The following FAM149A variants were observed in gnomAD, a reference collection of about 807,000 sequenced individuals.
FAM149A encodes the protein family with sequence similarity 149 member A.
A neutral mutation model predicts 78.2 loss-of-function variants in FAM149A; 71 were observed. The ratio of observed to expected loss-of-function variants is 0.91; its 90% CI spans 0.75 to 1.11. The LOEUF (loss-of-function observed/expected upper bound fraction) is 1.11. Among genes scored for constraint, FAM149A ranks in the 50% least tolerant of loss-of-function variants. The probability of loss-of-function intolerance (pLI) is 0.00; values close to 1 mark genes in which losing one functional copy is unlikely to be tolerated. For synonymous variants in FAM149A, 446 were observed against 410.5 expected (o/e 1.09, Z -1.04); for missense variants, 1,036 against 971.0 (o/e 1.07, Z -0.89).
At chr4:186,130,287 C>CTT (rs1324375458) in intron 1 of FAM149A, 1 of 38,228 alleles carries the variant, frequency 2.6e-5, no homozygotes, top group African/African-American at 1.5e-4. Context: ...CTCTCTCTCT[C>CTT]TCTCTCTATA....
Position 186,173,397 on chromosome 4 carries a change from G to A in FAM149A, c.*1410G>A, listed in dbSNP as rs1055665149. 9.1e-6 allele frequency among the ~76,000 whole-genome samples: 1 copy of A among 110,190 alleles called. No homozygotes were observed. The highest frequency in any genetic ancestry group is 2.9e-4 in the South Asian group (1 of 3,484). The allele number at this position is 110,190 out of a possible 152,430, so 72.3% of individuals were successfully genotyped here. On this transcript the variant is annotated 3_prime_UTR_variant, in exon 14 of 14. Transcript: ENST00000389354. ...AAACGGAGTCTGGCTCTGTGGCCCC[G>A]GCTGGAGTGCAGTGGCACGATCTCG...
At chr4:186,148,999 GGTGTGTGTGTGT>G (rs70964919) in intron 1 of FAM149A, among the ~76,000 whole-genome samples, 162 bp from the exon 2 acceptor site, 1 of 147,980 alleles carries the variant, frequency 6.8e-6, no homozygotes, top group African/African-American at 2.5e-5. Context: ...ATCAGGATGG[GGTGTGTGTGTGT>G]GTGTGTGTGT....
At chr4:186,156,219 A>C (rs1734023648) in intron 7 of FAM149A, 29 bp downstream of exon 7, 1 of 1,586,082 alleles carries the variant, frequency 6.3e-7, no homozygotes, top group Non-Finnish European at 8.6e-7. Flanking sequence ...TAGCTTAATG[A>C]AAAGAAAAAG....
intron 3 of FAM149A, chr4:186,150,793 C>T (rs1733506853): frequency 6.6e-6 from 1 of 151,688 alleles, no homozygotes; most frequent in African/African-American, 2.4e-5. Context: ...GCCATGTCGG[C>T]TCACTGCAAC....
At chr4:186,158,747 C>T in intron 8 of FAM149A, 1 of 1,071,620 alleles carries the variant, frequency 9.3e-7, no homozygotes, top group Non-Finnish European at 1.1e-6. Context: ...TCAGCCGTCC[C>T]TACTGCAGAC....
At chr4:186,122,877 A>G in intron 1 of FAM149A, 1 of 339,264 alleles carries the variant, frequency 2.9e-6, no homozygotes, top group Non-Finnish European at 4.2e-6. Context: ...ACATTTGTGA[A>G]CCCTAATGTT....
At chr4:186,153,265 G>A (rs545578697) in intron 4 of FAM149A, 1 of 978,324 alleles carries the variant, frequency 1.0e-6, no homozygotes, top group African/African-American at 1.7e-5. Flanking sequence ...TTCTTGTTAT[G>A]TTTGTGTTTA....
rs149612033 is a variant in FAM149A at position 186,144,358 on chromosome 4, T to A, written c.567-4815T>A. 6.6e-6 allele frequency: 1 copy of A among 152,066 alleles called. No homozygotes were observed. The allele number at this position is 152,066 out of a possible 1,614,324, so 9.4% of individuals were successfully genotyped here. A position where few individuals can be genotyped will look rare whatever the true frequency, so the allele number is the denominator to read the frequency against. On this transcript the variant is annotated intron_variant, in intron 1 of 13. Transcript: ENST00000389354. The surrounding 1 kb of genome is among the most constrained non-coding windows in gnomAD (Gnocchi z 4.2). ...GTAGGGCAGGACGGGCGTGGAAGGG[T>A]CCACGTCTTTAGTATGCATGCTTAG...
intron 1 of FAM149A, chr4:186,125,338 A>T: frequency 1.0e-6 from 1 of 985,304 alleles, no homozygotes; most frequent in Non-Finnish European, 1.2e-6. Context: ...CAGAGCCAGG[A>T]TGCCTGCTAC....
At position 186,150,133 on chromosome 4, in the gene FAM149A, G is replaced by C. The variant is rs1579876227; in HGVS notation, c.789+429G>C. On this transcript the variant is annotated intron_variant, in intron 3 of 13. Coordinates refer to ENST00000389354, the MANE Select transcript of FAM149A (RefSeq NM_001367768.3). Reference sequence around the variant, plus strand: ...TTTCACCTTCACCCCCTACCGCTGGGGGCGCTGTTGCCTCTGAACTGCTTT... The same window carrying C: ...TTTCACCTTCACCCCCTACCGCTGGCGGCGCTGTTGCCTCTGAACTGCTTT... Among the ~76,000 whole-genome samples, 3 of 129,536 alleles carry C rather than the reference G, an allele frequency of 2.3e-5. No homozygotes were observed. The Middle Eastern group carries it at 0.011, about 483-fold the overall frequency. The allele number at this position is 129,536 out of a possible 152,430, so 85.0% of individuals were successfully genotyped here. A position where few individuals can be genotyped will look rare whatever the true frequency, so the allele number is the denominator to read the frequency against.
At position 186,144,873 on chromosome 4, in the gene FAM149A, G is replaced by C; in HGVS notation, c.567-4300G>C. The C allele has an allele frequency of 1.0e-6, 1 of 977,986 alleles. No homozygotes were observed. Among genetic ancestry groups the C allele is most frequent in the African/African-American group, 1.8e-5 (1 of 54,640 alleles). The allele number at this position is 977,986 out of a possible 1,614,324, so 60.6% of individuals were successfully genotyped here. A position where few individuals can be genotyped will look rare whatever the true frequency, so the allele number is the denominator to read the frequency against. On this transcript the variant is annotated intron_variant, in intron 1 of 13. Transcript: ENST00000389354. The surrounding 1 kb of genome is among the most constrained non-coding windows in gnomAD (Gnocchi z 4.2). ...ATCTGGAGAGGGAAGGGGCGTGCGA[G>C]CCCCGCGGACCCCGGGCGCGCCCGG... is the stretch of plus-strand genomic sequence containing the variant.
chr4:186,144,733 G>GCCGGGGC lies in FAM149A; in HGVS notation c.567-4438_567-4432dup. The GCCGGGGC allele has an allele frequency of 2.3e-6, 2 of 851,630 alleles. No homozygotes were observed. Among genetic ancestry groups the GCCGGGGC allele is most frequent in the Non-Finnish European group, 2.8e-6 (2 of 707,212 alleles). 52.8% of individuals were successfully genotyped at this position (851,630 alleles called of 1,614,324 possible). On this transcript the variant is annotated intron_variant, in intron 1 of 13. Coordinates refer to ENST00000389354, the MANE Select transcript of FAM149A (RefSeq NM_001367768.3). The surrounding 1 kb of genome is among the most constrained non-coding windows in gnomAD (Gnocchi z 4.2). ...TCCCGGAGGTCGGCGCGGGGCCGGG[G>GCCGGGGC]CCGGGGCCGGGGCCCGGAGCGGGGA...
chr4:186,150,824 C>T (rs1733510334), intron 3 of FAM149A: 1 of 152,370 alleles, frequency 6.6e-6, no homozygotes. Flanking sequence ...CAGGTTCAAG[C>T]AATACTCCTG....
Position 186,125,719 on chromosome 4 carries a change from A to G in FAM149A, c.566+20077A>G, listed in dbSNP as rs116810882. On this transcript the variant is annotated intron_variant, in intron 1 of 13. Coordinates refer to ENST00000389354, the MANE Select transcript of FAM149A (RefSeq NM_001367768.3). ...ATGTTGGGGAATTAACACTACTATT[A>G]TTGTGAATAGCTGAAGCTGAAGGAT... is the stretch of plus-strand genomic sequence containing the variant. The G allele has an allele frequency of 6.0e-4, 588 of 984,600 alleles. 3 individuals are homozygous for G. The African/African-American group carries it at 9.7e-3, about 16-fold the overall frequency. The allele number at this position is 984,600 out of a possible 1,614,324, so 61.0% of individuals were successfully genotyped here. A position where few individuals can be genotyped will look rare whatever the true frequency, so the allele number is the denominator to read the frequency against.
chr4:186,124,357 C>A lies in FAM149A; in HGVS notation c.566+18715C>A. Reference sequence around the variant, plus strand: ...ATACATGTGCCATGTTGCTGTGCTGCACCCATTAACTCGTCATTTACATTA... The same window carrying A: ...ATACATGTGCCATGTTGCTGTGCTGAACCCATTAACTCGTCATTTACATTA... On this transcript the variant is annotated intron_variant, in intron 1 of 13. Transcript: ENST00000389354. 1.5e-5 allele frequency: 5 copies of A among 329,144 alleles called. No individual in the cohort carries two copies. In the South Asian group the frequency reaches 4.8e-4, roughly 32 times the overall value. 20.4% of individuals were successfully genotyped at this position (329,144 alleles called of 1,614,324 possible).
At position 186,105,319 on chromosome 4, in the gene FAM149A, C is replaced by T; in HGVS notation, c.243C>T (p.Gly81=). ...TGCTCTCCTCCCCCTACTCCCGGGGCTCCGCCGCCAGCCGCGCCGCGGGAG... is the reference window on the plus strand; with the variant it reads ...TGCTCTCCTCCCCCTACTCCCGGGGTTCCGCCGCCAGCCGCGCCGCGGGAG... The change falls in exon 1 of 14, where the codon GGC becomes GGT. Residue 81 remains glycine, a synonymous_variant. Transcript: ENST00000389354. 1.7e-6 allele frequency: 2 copies of T among 1,169,418 alleles called. No homozygotes were observed. Among genetic ancestry groups the T allele is most frequent in the Non-Finnish European group, 2.1e-6 (2 of 939,896 alleles). The allele number at this position is 1,169,418 out of a possible 1,614,324, so 72.4% of individuals were successfully genotyped here.
rs70964917 is a variant in FAM149A at position 186,136,976 on chromosome 4, TTCTCTC to T, written c.567-12159_567-12154del. ...TCTCTCTCTCTCTTTCTCTCTCTCT[TTCTCTC>T]TCTCTCTCTCTCTCTCTCTCTCTCT... On this transcript the variant is annotated intron_variant, in intron 1 of 13. Transcript: ENST00000389354. Among the ~76,000 whole-genome samples the T allele has an allele frequency of 3.9e-3, 284 of 72,044 alleles. 2 individuals are homozygous for T. The highest frequency in any genetic ancestry group is 0.015 in the African/African-American group (250 of 16,228). 47.3% of individuals were successfully genotyped at this position (72,044 alleles called of 152,430 possible).
chr4:186,129,540 C>T (rs991130956), intron 1 of FAM149A, among the ~76,000 whole-genome samples: 3 of 152,172 alleles, frequency 2.0e-5, no homozygotes. Flanking sequence ...CAACCACCAG[C>T]TGAGAGCAAC....
chr4:186,154,942 C>T (rs999583581), intron 6 of FAM149A: 22 of 984,408 alleles, frequency 2.2e-5, no homozygotes, highest in Non-Finnish European at 2.7e-5. Context: ...GAGTTCCTGC[C>T]TCTGTACTAA....
Sources: gnomAD v4.1 joint callset for allele counts (sites outside exome capture counted in the v4.1 genomes callset) on GRCh38, gnomAD v4.1.1 for gene constraint, Gnocchi (gnomAD v3.1) non-coding constraint, MANE v1.5 for transcripts, NCBI Gene and HGNC (gene_info 2026-07-23, HGNC 2026-07-21) for gene names.